GBA2: variants seen among roughly 807,000 people sequenced by gnomAD.
GBA2 encodes the protein glucosylceramidase beta 2, also known as non-lysosomal glucosylceramidase.
In GBA2, 79 loss-of-function variants were observed where a neutral mutation model predicts 112.9. The observed-to-expected ratio is 0.70, with a 90% CI of 0.58 to 0.84. The LOEUF is 0.84. Among genes scored for constraint, GBA2 ranks in the 40% least tolerant of loss-of-function variants. The pLI is 0.00. For synonymous variants in GBA2, 403 were observed against 434.3 expected, an observed-to-expected ratio of 0.93 and a Z score of 0.90; for missense variants, 1,043 against 1,190.0, an observed-to-expected ratio of 0.88 and a Z score of 1.82.
In GBA2 at chr9:35,739,429, T is replaced by G. The variant is rs1287452536; in HGVS notation, c.1583-10A>C. The stretch of plus-strand genomic sequence containing the variant: ...ATGCGGTACTCCTGGCCTGGAGGAA[T>G]GAATGAGACACACTGTTGCCAGAAT... On this transcript the variant is annotated splice_polypyrimidine_tract_variant and intron_variant, in intron 9 of 16. Transcript: ENST00000378103. 6.4e-7 allele frequency: 1 copy of G among 1,569,806 alleles called. No homozygotes were observed. The highest frequency in any genetic ancestry group is 8.8e-7 in the Non-Finnish European group (1 of 1,139,726).
rs535330947 is a variant in GBA2 at position 35,737,591 on chromosome 9, C to G, written c.2506-144G>C. On this transcript the variant is annotated intron_variant, in intron 16 of 16. Transcript: ENST00000378103. This position sits in a 1 kb window ranked among gnomAD's most constrained non-coding sequence, Gnocchi z 4.1. ...GATAACTATGACCCACAGACAGAAG[C>G]CTGAAGGCAGGAGCTGGAATGCATA... 5 of 1,561,772 alleles carry G rather than the reference C, an allele frequency of 3.2e-6. No homozygotes were observed. The highest frequency in any genetic ancestry group is 1.9e-5 in the Admixed American group (1 of 51,658).
In GBA2 at chr9:35,739,117, A is replaced by G. The variant is rs754147042; in HGVS notation, c.1688-8T>C. 5.3e-4 allele frequency: 776 copies of G among 1,466,116 alleles called. 1 individual carries two copies. The highest frequency in any genetic ancestry group is 8.8e-4 in the Middle Eastern group (5 of 5,660). 90.8% of individuals were successfully genotyped at this position (1,466,116 alleles called of 1,614,324 possible). A position where few individuals can be genotyped will look rare whatever the true frequency, so the allele number is the denominator to read the frequency against. On this transcript the variant is annotated splice_region_variant and splice_polypyrimidine_tract_variant and intron_variant, in intron 10 of 16. Transcript: ENST00000378103. ...CCCTGAGAGTGGCCAGAGCTGGGGG[A>G]GAGACACAGAAGGGAGGCAGGGAAT... is the stretch of plus-strand genomic sequence containing the variant.
chr9:35,740,409 A>C lies in GBA2; in HGVS notation c.1130-47T>G. 6.2e-7 allele frequency: 1 copy of C among 1,602,540 alleles called. No individual in the cohort carries two copies. Among genetic ancestry groups the C allele is most frequent in the South Asian group, 1.1e-5 (1 of 90,524 alleles). Reference sequence around the variant, plus strand: ...TCAGGACAGGAGCCCCTTCAGCCCCAGGGATAGGGATCCCTAACATGGAAA... The same window carrying C: ...TCAGGACAGGAGCCCCTTCAGCCCCCGGGATAGGGATCCCTAACATGGAAA... On this transcript the variant is annotated intron_variant, in intron 6 of 16. Transcript: ENST00000378103. The surrounding 1 kb of genome is among the most constrained non-coding windows in gnomAD (Gnocchi z 4.7).
In GBA2 at chr9:35,739,349, C is replaced by T; in HGVS notation, c.1653G>A (p.Trp551Ter). The T allele has an allele frequency of 6.2e-7, 1 of 1,613,242 alleles. No individual in the cohort carries two copies. The highest frequency in any genetic ancestry group is 8.5e-7 in the Non-Finnish European group (1 of 1,179,284). The change falls in exon 10 of 17, where the codon TGG (tryptophan) becomes TGA (stop). Residue 551 changes from tryptophan to a stop codon, truncating the protein, a stop_gained. Coordinates refer to ENST00000378103, the MANE Select transcript of GBA2 (RefSeq NM_020944.3). LOFTEE classifies it high-confidence loss of function. Reference protein sequence around the residue: ...FYASFALIMLWPKLELSLQYD... With the variant: ...FYASFALIML ...ACTGTAGGCTGAGCTCAAGTTTGGG[C>T]CAGAGCATGATGAGGGCAAAGGAAG...
At position 35,738,952 on chromosome 9, in the gene GBA2, G is replaced by A. The variant is rs763050204; in HGVS notation, c.1796-49C>T. The A allele has an allele frequency of 2.4e-5, 39 of 1,610,154 alleles. No individual in the cohort carries two copies. The South Asian group carries it at 3.6e-4, about 15-fold the overall frequency. On this transcript the variant is annotated intron_variant, in intron 11 of 16. Transcript: ENST00000378103. ...GTCACTTGCATTGGTGGATAGGGTAGAGGGTGCAAAAGTTGAGGGAGGGAA... is the reference window on the plus strand; with the variant it reads ...GTCACTTGCATTGGTGGATAGGGTAAAGGGTGCAAAAGTTGAGGGAGGGAA...
At position 35,744,349 on chromosome 9, in the gene GBA2, C is replaced by A. The variant is rs200268523; in HGVS notation, c.515G>T (p.Arg172Leu). 6.2e-7 allele frequency: 1 copy of A among 1,613,592 alleles called. No individual in the cohort carries two copies. Among genetic ancestry groups the A allele is most frequent in the Non-Finnish European group, 8.5e-7 (1 of 1,179,552 alleles). ...ATACATTCCAGGGTTAAGCTGCCAA[C>A]GACAGAACTGGCCTCTCCAGCCACG... is the stretch of plus-strand genomic sequence containing the variant. ...ITRGWRGQFC[R>L]WQLNPGMYQH... The change falls in exon 3 of 17, where the codon CGT becomes CTT. Residue 172 changes from arginine (R) to leucine (L), a missense_variant. Transcript: ENST00000378103.
chr9:35,745,286 C>T (rs1162454085), intron 1 of GBA2, among the ~76,000 whole-genome samples: 5 of 152,060 alleles, frequency 3.3e-5, no homozygotes, highest in Non-Finnish European at 7.4e-5. Context: ...CCATGCCTGG[C>T]ACATTTTTTT....
rs571650716 is a variant in GBA2 at position 35,740,515 on chromosome 9, C to A, written c.1129+11G>T. The A allele has an allele frequency of 6.3e-6, 10 of 1,593,206 alleles. No homozygotes were observed. Among genetic ancestry groups the A allele is most frequent in the African/African-American group, 5.4e-5 (4 of 74,478 alleles). On this transcript the variant is annotated intron_variant, in intron 6 of 16. Coordinates refer to ENST00000378103, the MANE Select transcript of GBA2 (RefSeq NM_020944.3). This position sits in a 1 kb window ranked among gnomAD's most constrained non-coding sequence, Gnocchi z 4.7. ...CTCTTCCCACCATCTCCCAGTCAGA[C>A]CCCCCATCACCAGTGGGAGAGTCCA...
At position 35,741,219 on chromosome 9, in the gene GBA2, G is replaced by T. The variant is rs1421106105; in HGVS notation, c.787-155C>A. The T allele has an allele frequency of 1.3e-6, 1 of 795,092 alleles. No individual in the cohort carries two copies. Among genetic ancestry groups the T allele is most frequent in the Non-Finnish European group, 2.0e-6 (1 of 509,134 alleles). The allele number at this position is 795,092 out of a possible 1,614,324, so 49.3% of individuals were successfully genotyped here. A position where few individuals can be genotyped will look rare whatever the true frequency, so the allele number is the denominator to read the frequency against. On this transcript the variant is annotated intron_variant, in intron 4 of 16. Transcript: ENST00000378103. This position sits in a 1 kb window ranked among gnomAD's most constrained non-coding sequence, Gnocchi z 4.6. The stretch of plus-strand genomic sequence containing the variant: ...TGCATCTCCCCATATTCCCAGGCAA[G>T]CTGCCTAGCAGGGAATATAGAAGAC...
chr9:35,737,340 C>T lies in GBA2; in HGVS notation c.2613G>A (p.Val871=), dbSNP rs745879966. Residue 871 remains valine (V), a synonymous_variant, in exon 17 of 17, where the codon GTG becomes GTA. Transcript: ENST00000378103. This position sits in a 1 kb window ranked among gnomAD's most constrained non-coding sequence, Gnocchi z 4.1. Reference sequence around the variant, plus strand: ...GCCGCATGTAGGCCAGTGAGCGGAACACTCGCTGCTGGCAGTATGCCTCTG... The same window carrying T: ...GCCGCATGTAGGCCAGTGAGCGGAATACTCGCTGCTGGCAGTATGCCTCTG... ...QTPEAYCQQR[V]FRSLAYMRPL... is the part of the protein sequence containing the mutation. The T allele has an allele frequency of 1.8e-5, 29 of 1,614,062 alleles. No individual in the cohort carries two copies. The highest frequency in any genetic ancestry group is 2.5e-5 in the Non-Finnish European group (29 of 1,180,050).
At chr9:35,747,676 G>A (rs1310844139) in intron 1 of GBA2, among the ~76,000 whole-genome samples, 3 of 152,200 alleles carry the variant, frequency 2.0e-5, no homozygotes, top group African/African-American at 7.2e-5. Context: ...AATGGGTCTG[G>A]CTCCTCATCA....
chr9:35,745,147 G>GT (rs888250314), intron 1 of GBA2, among the ~76,000 whole-genome samples: 1 of 151,814 alleles, frequency 6.6e-6, no homozygotes, highest in Admixed American at 6.6e-5. Flanking sequence ...TTGAGACAGA[G>GT]TTTCGTTCCT....
At position 35,741,419 on chromosome 9, in the gene GBA2, C is replaced by A. The variant is rs532337023; in HGVS notation, c.786+253G>T. On this transcript the variant is annotated intron_variant, in intron 4 of 16. Coordinates refer to ENST00000378103, the MANE Select transcript of GBA2 (RefSeq NM_020944.3). The surrounding 1 kb of genome is among the most constrained non-coding windows in gnomAD (Gnocchi z 4.6). ...ACACCATTATCCTGCCTCAGCCTCC[C>A]GAGTAGCTGGGACTACAGGTGCCTG... 6.3e-5 allele frequency: 34 copies of A among 538,648 alleles called. No homozygotes were observed. In the East Asian group the frequency reaches 1.1e-3, roughly 17 times the overall value. 33.4% of individuals were successfully genotyped at this position (538,648 alleles called of 1,614,324 possible). A position where few individuals can be genotyped will look rare whatever the true frequency, so the allele number is the denominator to read the frequency against.
intron 1 of GBA2, among the ~76,000 whole-genome samples, chr9:35,744,934 G>A (rs1826899320): frequency 3.3e-5 from 5 of 152,030 alleles, no homozygotes; most frequent in Admixed American, 3.3e-4. Flanking sequence ...CCTCAGAAGG[G>A]GCTTTCTGAT....
Position 35,748,418 on chromosome 9 carries a change from T to G in GBA2, c.287A>C (p.Glu96Ala). Residue 96 changes from glutamate (E) to alanine (A), a missense_variant, in exon 1 of 17, where the codon GAG (glutamate) becomes GCG (alanine). Physicochemically the swap from Glu to Ala is moderately radical, Grantham distance 107. Transcript: ENST00000378103. ...WRICLAHEFTEKRKPFQANNV... is the reference protein window; with the variant it reads ...WRICLAHEFTAKRKPFQANNV... ...GTTAGCTTGAAAGGGTTTCCTCTTC[T>G]CTGTAAACTCATGAGCCAGACAGAT... The G allele has an allele frequency of 1.9e-6, 3 of 1,614,172 alleles. No individual in the cohort carries two copies. The highest frequency in any genetic ancestry group is 2.5e-6 in the Non-Finnish European group (3 of 1,180,014).
In GBA2 at chr9:35,748,329, C is replaced by G; in HGVS notation, c.359+17G>C. 1 of 1,465,774 alleles carries G rather than the reference C, an allele frequency of 6.8e-7. No homozygotes were observed. The highest frequency in any genetic ancestry group is 9.4e-7 in the Non-Finnish European group (1 of 1,060,784). 90.8% of individuals were successfully genotyped at this position (1,465,774 alleles called of 1,614,324 possible). Reference sequence around the variant, plus strand: ...AAAGTGAAGCCAAAGGCATTCTAGGCAATGGGGTCTACTCACCTCAAGCCC... The same window carrying G: ...AAAGTGAAGCCAAAGGCATTCTAGGGAATGGGGTCTACTCACCTCAAGCCC... On this transcript the variant is annotated intron_variant, in intron 1 of 16. Transcript: ENST00000378103.
intron 3 of GBA2, chr9:35,742,130 A>G (rs1563964333): frequency 1.8e-6 from 1 of 560,272 alleles, no homozygotes; most frequent in Non-Finnish European, 3.2e-6. Flanking sequence ...CTTAAGCCCA[A>G]TCTCCTGCTT....
chr9:35,738,554 A>G lies in GBA2; in HGVS notation c.2026T>C (p.Tyr676His). 6.2e-7 allele frequency: 1 copy of G among 1,613,628 alleles called. No homozygotes were observed. Among genetic ancestry groups the G allele is most frequent in the Non-Finnish European group, 8.5e-7 (1 of 1,179,528 alleles). ...GGGCCTGTGGTCACCCATCCATCAT[A>G]GGTCTGGTCTGCATAGCCTCCATTT... ...IENGGYADQT[Y>H]DGWVTTGPSA... Residue 676 changes from tyrosine (Y) to histidine (H), a missense_variant, in exon 13 of 17, where the codon TAT (tyrosine) becomes CAT (histidine). By Grantham distance (83) the Tyr-to-His change is moderately conservative (BLOSUM62 2). Coordinates refer to ENST00000378103, the MANE Select transcript of GBA2 (RefSeq NM_020944.3).
At chr9:35,747,574 G>A (rs781163906) in intron 1 of GBA2, among the ~76,000 whole-genome samples, 2 of 152,192 alleles carry the variant, frequency 1.3e-5, no homozygotes, top group Non-Finnish European at 2.9e-5. Flanking sequence ...CAAGCTTTAT[G>A]CCTCCCTCCA....
Sources: allele counts gnomAD v4.1 joint callset (sites outside exome capture counted in the v4.1 genomes callset), GRCh38; gene constraint gnomAD v4.1.1; non-coding constraint Gnocchi (gnomAD v3.1); transcripts MANE v1.5; gene names NCBI Gene and HGNC (gene_info 2026-07-23, HGNC 2026-07-21).